The following TSPEAR variants were observed in gnomAD, a reference collection of about 807,000 sequenced individuals.
The protein encoded by TSPEAR is thrombospondin type laminin G domain and EAR repeats, also known as thrombospondin-type laminin G domain and EAR repeat-containing protein.
A neutral mutation model predicts 71.6 loss-of-function variants in TSPEAR; 69 were observed. The ratio of observed to expected loss-of-function variants is 0.96; its 90% CI spans 0.79 to 1.18. TSPEAR has a LOEUF of 1.18. TSPEAR is among the 50% of genes most tolerant of loss of function. The pLI is 0.00. For missense variants in TSPEAR, 971 were observed against 894.9 expected (o/e 1.09, Z -1.09); for synonymous variants, 402 against 387.2 (o/e 1.04, Z -0.45).
chr21:44,646,726 T>C, intron 1 of TSPEAR: 1 of 1,614,126 alleles, frequency 6.2e-7, no homozygotes, highest in African/African-American at 1.3e-5. Context: ...GCCGGCTTGC[T>C]GCACCTCCTC....
At chr21:44,682,130 G>A (rs782552535) in intron 1 of TSPEAR, 57 of 1,613,004 alleles carry the variant, frequency 3.5e-5, no homozygotes, top group African/African-American at 9.3e-5. Context: ...ACATGGTGGC[G>A]TGTGGCTGGA....
rs2051970598 is a variant in TSPEAR at position 44,498,527 on chromosome 21, A to G, written c.*1256T>C. 1 of 152,282 alleles carries G rather than the reference A, an allele frequency of 6.6e-6. No individual in the cohort carries two copies. Among genetic ancestry groups the G allele is most frequent in the Admixed American group, 6.5e-5 (1 of 15,292 alleles). The allele number at this position is 152,282 out of a possible 1,614,324, so 9.4% of individuals were successfully genotyped here. On this transcript the variant is annotated 3_prime_UTR_variant, in exon 12 of 12. Transcript: ENST00000323084. ...AAACACGAAGGTCCCAAAGCCGGCA[A>G]AAGTAGACACTGAGTTTATTATTTG...
chr21:44,603,146 C>T (rs1340828018), intron 1 of TSPEAR, among the ~76,000 whole-genome samples: 11 of 152,144 alleles, frequency 7.2e-5, no homozygotes, highest in Admixed American at 3.9e-4. Context: ...CGAGCTGTCC[C>T]TCCCCTGTGG....
rs782500561 is a variant in TSPEAR, at chr21:44,646,811, T to A, written c.82+64622A>T. The A allele has an allele frequency of 8.3e-6, 13 of 1,572,520 alleles. No homozygotes were observed. In the East Asian group the frequency reaches 3.0e-4, roughly 36 times the overall value. ...TGCAAGCCTGTGTGCTGTGTGCCTG[T>A]CTGCTGTGGGGCTGCTTCTTCGTGC... On this transcript the variant is annotated intron_variant, in intron 1 of 11. Transcript: ENST00000323084.
chr21:44,701,663 T>C (rs2146329549), intron 1 of TSPEAR, among the ~76,000 whole-genome samples: 1 of 152,198 alleles, frequency 6.6e-6, no homozygotes, highest in East Asian at 1.9e-4. Flanking sequence ...GCGGGGTTCG[T>C]GGTCCTCTGA....
intron 1 of TSPEAR, among the ~76,000 whole-genome samples, chr21:44,615,746 C>A (rs1982049565): frequency 6.6e-6 from 1 of 152,256 alleles, no homozygotes; most frequent in African/African-American, 2.4e-5. Flanking sequence ...AGAAGCAGAA[C>A]ATCATGCAAC....
rs2052933718 is a variant in TSPEAR at position 44,529,947 on chromosome 21, AC to A, written c.640del (p.Val214Ter). The A allele has an allele frequency of 1.3e-6, 2 of 1,598,790 alleles. No individual in the cohort carries two copies. The highest frequency in any genetic ancestry group is 1.7e-6 in the Non-Finnish European group (2 of 1,175,756). On this transcript the variant is annotated frameshift_variant, in exon 5 of 12. Transcript: ENST00000323084. LOFTEE classifies it high-confidence loss of function. ...GCCCGGCAGCAGGACCAGTTGCCTC[AC>A]CAGTCCCTGCAGAGAGAGGGACAGC... is the stretch of plus-strand genomic sequence containing the variant. ...RRAKGLFMGLVRQLVLLPGSD... is the reference protein window; with the variant it reads ...RRAKGLFMGLXRQLVLLPGSD...
Position 44,583,461 on chromosome 21 carries a change from G to A in TSPEAR, c.83-15456C>T, listed in dbSNP as rs149808683. Among the ~76,000 whole-genome samples, 69 of 152,326 alleles carry A rather than the reference G, an allele frequency of 4.5e-4. No homozygotes were observed. The East Asian group carries it at 7.1e-3, about 16-fold the overall frequency. ...ACCTCCTGCAGCTCCGCACTAAGCC[G>A]GTGTTGGCTGGTTTGTCGCAAAGCC... is the stretch of plus-strand genomic sequence containing the variant. On this transcript the variant is annotated intron_variant, in intron 1 of 11. Coordinates refer to ENST00000323084, the MANE Select transcript of TSPEAR (RefSeq NM_144991.3).
At chr21:44,615,283 C>T (rs1982002646) in intron 1 of TSPEAR, among the ~76,000 whole-genome samples, 1 of 152,266 alleles carries the variant, frequency 6.6e-6, no homozygotes, top group South Asian at 2.1e-4. Flanking sequence ...GAGGGCCGTG[C>T]GCTCACCCGA....
intron 1 of TSPEAR, among the ~76,000 whole-genome samples, chr21:44,629,373 G>A (rs2329835): frequency 0.53 from 80,653 of 152,012 alleles, 21,553 homozygotes; most frequent in Admixed American, 0.61. Flanking sequence ...GCTGGTTCCC[G>A]AAGACTCTCT....
chr21:44,508,737 G>A (rs1482899351), intron 10 of TSPEAR: 14 of 1,255,284 alleles, frequency 1.1e-5, no homozygotes, highest in South Asian at 2.7e-5. Flanking sequence ...GCCAGTCTCC[G>A]TGTCCTGGTG....
chr21:44,544,896 T>G (rs768750588), intron 2 of TSPEAR, among the ~76,000 whole-genome samples: 5 of 151,862 alleles, frequency 3.3e-5, no homozygotes, highest in Non-Finnish European at 5.9e-5. Context: ...ATACCAATTG[T>G]AAATATATAC....
At chr21:44,502,843 T>G (rs1555911235) in intron 11 of TSPEAR, among the ~76,000 whole-genome samples, 2 of 149,422 alleles carry the variant, frequency 1.3e-5, no homozygotes. Context: ...CCGGCCTCGG[T>G]GAGCCCTTGG....
rs587686214 is a variant in TSPEAR, at chr21:44,498,744, C to G, written c.*1039G>C. On this transcript the variant is annotated 3_prime_UTR_variant, in exon 12 of 12. Coordinates refer to ENST00000323084, the MANE Select transcript of TSPEAR (RefSeq NM_144991.3). Reference sequence around the variant, plus strand: ...TGTTGCAGAAGCAGGAGCACCGTTCCTGGAAGACCGTGGCAGGTGTGGTCT... The same window carrying G: ...TGTTGCAGAAGCAGGAGCACCGTTCGTGGAAGACCGTGGCAGGTGTGGTCT... 1 of 152,354 alleles carries G rather than the reference C, an allele frequency of 6.6e-6. No homozygotes were observed. The highest frequency in any genetic ancestry group is 2.1e-4 in the South Asian group (1 of 4,836). The allele number at this position is 152,354 out of a possible 1,614,324, so 9.4% of individuals were successfully genotyped here.
At chr21:44,704,840 C>T (rs34120489) in intron 1 of TSPEAR, among the ~76,000 whole-genome samples, 89,592 of 151,686 alleles carry the variant, frequency 0.59, 27,257 homozygotes, top group Non-Finnish European at 0.68. Context: ...GGCCCCGGCA[C>T]GCCATCCACG....
intron 2 of TSPEAR, among the ~76,000 whole-genome samples, chr21:44,562,732 G>GA (rs1170287985): frequency 6.6e-5 from 10 of 151,808 alleles, no homozygotes; most frequent in Non-Finnish European, 1.3e-4. Context: ...AGTGCTCAAA[G>GA]AAAAAAAAGT....
intron 8 of TSPEAR, 79 bp from the exon 9 acceptor site, chr21:44,522,191 G>C: frequency 7.1e-7 from 1 of 1,405,860 alleles, no homozygotes; most frequent in Non-Finnish European, 1.0e-6. Flanking sequence ...GCAGAGCCCA[G>C]TCCAAGTCCC....
chr21:44,539,475 A>C (rs2053164803), intron 2 of TSPEAR: 2 of 1,613,694 alleles, frequency 1.2e-6, no homozygotes, highest in Admixed American at 1.7e-5. Context: ...GAGGGTCTGC[A>C]GCAGGAGGTG....
At chr21:44,592,419 A>T (rs369235293) in intron 1 of TSPEAR, 1 of 1,608,160 alleles carries the variant, frequency 6.2e-7, no homozygotes, top group African/African-American at 1.3e-5. Flanking sequence ...CACAGGAACC[A>T]GGAAGGCAGA....
Sources: allele counts gnomAD v4.1 joint callset (sites outside exome capture counted in the v4.1 genomes callset), GRCh38; gene constraint gnomAD v4.1.1; transcripts MANE v1.5; gene names NCBI Gene and HGNC (gene_info 2026-07-23, HGNC 2026-07-21).